Variants in LUZP1 observed in about 807,000 individuals in gnomAD.
LUZP1 encodes filamin mechanobinding actin cross-linking protein.
LUZP1 carries 25 observed loss-of-function variants against 71.3 expected under a neutral mutation model. The ratio of observed to expected loss-of-function variants is 0.35; its 90% confidence interval spans 0.26 to 0.49. The LOEUF is 0.49. Among genes scored for constraint, LUZP1 ranks in the 20% least tolerant of loss-of-function variants. The pLI, the probability that LUZP1 is intolerant of heterozygous loss-of-function variation, is 0.99. For missense variants in LUZP1, 1,142 were observed against 1,300.8 expected, an observed-to-expected ratio of 0.88 and a Z score of 1.88; for synonymous variants, 481 against 506.4, an observed-to-expected ratio of 0.95 and a Z score of 0.67.
At chr1:23,159,775 A>T (rs1644450000) in intron 2 of LUZP1, among the ~76,000 whole-genome samples, 1 of 152,218 alleles carries the variant, frequency 6.6e-6, no homozygotes, top group African/African-American at 2.4e-5. Flanking sequence ...ACTTGAGGTC[A>T]GGAGTTCGAG....
chr1:23,129,155 G>T (rs1452741849), intron 2 of LUZP1, among the ~76,000 whole-genome samples: 1 of 152,202 alleles, frequency 6.6e-6, no homozygotes, highest in African/African-American at 2.4e-5. Context: ...AAGCTACTGG[G>T]ATTGTGTGTA....
At chr1:23,132,195 C>T (rs574477007) in intron 2 of LUZP1, among the ~76,000 whole-genome samples, 1 of 152,266 alleles carries the variant, frequency 6.6e-6, no homozygotes, top group South Asian at 2.1e-4. Context: ...AACAAATACT[C>T]ATTAAGTACC....
intron 2 of LUZP1, among the ~76,000 whole-genome samples, chr1:23,131,803 A>C (rs1359582076): frequency 6.6e-6 from 1 of 152,104 alleles, no homozygotes; most frequent in Non-Finnish European, 1.5e-5. Context: ...CTCTTGCCTC[A>C]GCCTCCCAAG....
At chr1:23,123,438 G>A (rs1644146130) in intron 2 of LUZP1, among the ~76,000 whole-genome samples, 1 of 149,824 alleles carries the variant, frequency 6.7e-6, no homozygotes, top group Non-Finnish European at 1.5e-5. Context: ...GTTGCAGTGG[G>A]CCAAGATCAC....
At chr1:23,087,826 T>C (rs1244281300) in exon 5 of LUZP1, 2 of 152,584 alleles carry the variant, frequency 1.3e-5, no homozygotes, top group Non-Finnish European at 2.9e-5. Flanking sequence ...ATCATGATAG[T>C]CGACTTGCAG....
exon 4 of LUZP1, chr1:23,092,064 G>T (rs970181905): frequency 1.2e-6 from 2 of 1,614,134 alleles, no homozygotes; most frequent in Non-Finnish European, 8.5e-7. Context: ...AGCACCATTG[G>T]TATCTGGGAG....
chr1:23,094,117 C>T lies in LUZP1; in HGVS notation c.145G>A (p.Asp49Asn), dbSNP rs373256685. ...CTACCTTCTGCCTGAATCACCTTGT[C>T]CTGGAGATCCAGGAGTTCATCCTCT... The change falls in exon 4 of 5, where the codon GAC becomes AAC. Residue 49 changes from aspartate (D) to asparagine (N), a missense_variant. By Grantham distance (23) the Asp-to-Asn change is conservative. Coordinates refer to ENST00000302291, the Ensembl canonical transcript of LUZP1. This position sits in a 1 kb window ranked among gnomAD's most constrained non-coding sequence, Gnocchi z 4.7. 1.9e-6 allele frequency: 3 copies of T among 1,614,106 alleles called. No homozygotes were observed. The highest frequency in any genetic ancestry group is 2.5e-6 in the Non-Finnish European group (3 of 1,180,050).
chr1:23,132,825 A>G (rs891999234), intron 2 of LUZP1, among the ~76,000 whole-genome samples: 1 of 152,226 alleles, frequency 6.6e-6, no homozygotes, highest in African/African-American at 2.4e-5. Flanking sequence ...ATTTTTCATA[A>G]GAAGTTGCTG....
intron 3 of LUZP1, among the ~76,000 whole-genome samples, chr1:23,107,481 T>A (rs1643992405): frequency 6.6e-6 from 1 of 152,164 alleles, no homozygotes; most frequent in Non-Finnish European, 1.5e-5. Context: ...TTAGCCCCAG[T>A]ATATAGCAAA....
At chr1:23,125,141 C>A (rs1306330718) in intron 2 of LUZP1, among the ~76,000 whole-genome samples, 1 of 152,192 alleles carries the variant, frequency 6.6e-6, no homozygotes, top group Non-Finnish European at 1.5e-5. Context: ...TGGAAGCTGG[C>A]AGATATGCTT....
Position 23,161,888 on chromosome 1 carries a change from G to A in LUZP1, c.-226+6878C>T, listed in dbSNP as rs186661560. 4.1e-3 allele frequency among the ~76,000 whole-genome samples: 616 copies of A among 152,026 alleles called. 3 individuals are homozygous for A. Among genetic ancestry groups the A allele is most frequent in the Admixed American group, 6.4e-3 (98 of 15,260 alleles). On this transcript the variant is annotated intron_variant, in intron 2 of 4. Transcript: ENST00000302291. Reference sequence around the variant, plus strand: ...CTAAAAACACGAAAATTAGCCAGGCGTGGTGGTAGGCACCTTTAATCCCAG... The same window carrying A: ...CTAAAAACACGAAAATTAGCCAGGCATGGTGGTAGGCACCTTTAATCCCAG...
In LUZP1 at chr1:23,142,130, G is replaced by A. The variant is rs757045443; in HGVS notation, c.-226+26636C>T. On this transcript the variant is annotated intron_variant, in intron 2 of 4. Transcript: ENST00000302291. Reference sequence around the variant, plus strand: ...CAAAGTGCTGGGATTACAGGCATGAGCCACCGCATCCGGCAAAAGCCCAGC... The same window carrying A: ...CAAAGTGCTGGGATTACAGGCATGAACCACCGCATCCGGCAAAAGCCCAGC... Among the ~76,000 whole-genome samples the A allele has an allele frequency of 2.0e-5, 3 of 151,494 alleles. No homozygotes were observed. The East Asian group carries it at 5.8e-4, about 29-fold the overall frequency.
At chr1:23,163,745 A>C (rs1187153375) in intron 2 of LUZP1, among the ~76,000 whole-genome samples, 2 of 152,108 alleles carry the variant, frequency 1.3e-5, no homozygotes, top group Non-Finnish European at 2.9e-5. Flanking sequence ...TGGTATTTTC[A>C]AGCTCTTCCC....
At chr1:23,121,931 G>C (rs1644132857) in intron 2 of LUZP1, among the ~76,000 whole-genome samples, 1 of 152,084 alleles carries the variant, frequency 6.6e-6, no homozygotes. Flanking sequence ...AGAATTGCTT[G>C]AACCCAGGAG....
chr1:23,126,988 T>C (rs1644177093), intron 2 of LUZP1, among the ~76,000 whole-genome samples: 1 of 152,240 alleles, frequency 6.6e-6, no homozygotes, highest in Non-Finnish European at 1.5e-5. Flanking sequence ...AATACCAGTG[T>C]GAGAGCTACA....
intron 2 of LUZP1, among the ~76,000 whole-genome samples, chr1:23,119,892 G>T (rs1236288301): frequency 6.6e-6 from 1 of 151,404 alleles, no homozygotes; most frequent in Non-Finnish European, 1.5e-5. Context: ...TTAAATAAAA[G>T]TATTTTTCTT....
intron 2 of LUZP1, among the ~76,000 whole-genome samples, chr1:23,159,943 G>A (rs994917114): frequency 1.8e-4 from 27 of 152,134 alleles, no homozygotes; most frequent in Admixed American, 1.4e-3. Context: ...CCAAGATCAC[G>A]CCACTGCACT....
intron 2 of LUZP1, among the ~76,000 whole-genome samples, chr1:23,146,352 T>C (rs74817868): frequency 3.5e-4 from 53 of 152,296 alleles, no homozygotes; most frequent in African/African-American, 1.0e-3. Flanking sequence ...GAGATTAACA[T>C]GTAACAGATA....
At chr1:23,107,773 C>T (rs1296296003) in intron 3 of LUZP1, among the ~76,000 whole-genome samples, 3 of 152,192 alleles carry the variant, frequency 2.0e-5, no homozygotes, top group African/African-American at 4.8e-5. Context: ...CGCACCAGTG[C>T]ACTCCAGCCT....
Sources: gnomAD v4.1 joint callset for allele counts (sites outside exome capture counted in the v4.1 genomes callset) on GRCh38, gnomAD v4.1.1 for gene constraint, Gnocchi (gnomAD v3.1) non-coding constraint, MANE v1.5 for transcripts, NCBI Gene and HGNC (gene_info 2026-07-23, HGNC 2026-07-21) for gene names.